Variants in SOX5 observed in about 807,000 individuals in gnomAD.
SOX5 encodes the protein transcription factor SOX-5.
A neutral mutation model predicts 92.0 loss-of-function variants in SOX5; 9 were observed. The observed-to-expected ratio is 0.10, with a 90% confidence interval of 0.06 to 0.17. The LOEUF (loss-of-function observed/expected upper bound fraction) is 0.17, where lower values mean the gene tolerates loss of function less well. Among genes scored for constraint, SOX5 ranks in the 10% least tolerant of loss-of-function variants. The pLI is 1.00. For synonymous variants in SOX5, 344 were observed against 336.3 expected (o/e 1.02, Z -0.25); for missense variants, 642 against 944.5 (o/e 0.68, Z 4.20).
chr12:23,974,188 A>G (rs2140176972), intron 4 of SOX5, among the ~76,000 whole-genome samples: 1 of 152,306 alleles, frequency 6.6e-6, no homozygotes, highest in Middle Eastern at 3.4e-3. Flanking sequence ...GTAAAATACT[A>G]TGGGTGACAG....
At chr12:23,569,602 G>C (rs1165776574) in intron 10 of SOX5, among the ~76,000 whole-genome samples, 1 of 152,154 alleles carries the variant, frequency 6.6e-6, no homozygotes, top group East Asian at 1.9e-4. Flanking sequence ...CCTCTTGCCA[G>C]TCTCTCATGT....
chr12:24,104,484 T>G (rs994098789), intron 4 of SOX5, among the ~76,000 whole-genome samples: 1 of 151,434 alleles, frequency 6.6e-6, no homozygotes, highest in Non-Finnish European at 1.5e-5. Context: ...CTCTAAAAAT[T>G]TACTATAAAA....
intron 2 of SOX5, among the ~76,000 whole-genome samples, chr12:24,289,280 CAAAAA>C (rs75803761): frequency 7.0e-6 from 1 of 142,154 alleles, no homozygotes; most frequent in Non-Finnish European, 1.5e-5. Flanking sequence ...GAACCTGTCT[CAAAAA>C]AAAAACAAAA....
chr12:24,499,514 G>A (rs1398953931), intron 1 of SOX5, among the ~76,000 whole-genome samples: 1 of 152,242 alleles, frequency 6.6e-6, no homozygotes, highest in African/African-American at 2.4e-5. Context: ...GAATAATTCA[G>A]TCTGAATGGT....
At chr12:24,168,023 CTTTT>C (rs1953630947) in intron 4 of SOX5, among the ~76,000 whole-genome samples, 2 of 152,254 alleles carry the variant, frequency 1.3e-5, no homozygotes, top group Middle Eastern at 3.4e-3. Context: ...CACCTCAATT[CTTTT>C]TTTCTTTTCA....
At chr12:24,501,448 A>T (rs752570693) in intron 1 of SOX5, among the ~76,000 whole-genome samples, 14 of 152,132 alleles carry the variant, frequency 9.2e-5, no homozygotes, top group Admixed American at 1.3e-4. Flanking sequence ...GACTTTTAAC[A>T]TAAGTCTTCA....
chr12:24,104,272 A>G (rs1217180905), intron 4 of SOX5, among the ~76,000 whole-genome samples: 1 of 152,224 alleles, frequency 6.6e-6, no homozygotes, highest in African/African-American at 2.4e-5. Context: ...CCATATCAAA[A>G]TGACTAATAT....
chr12:24,104,744 T>C (rs1228753684), intron 4 of SOX5, among the ~76,000 whole-genome samples: 1 of 152,230 alleles, frequency 6.6e-6, no homozygotes, highest in Admixed American at 6.5e-5. Context: ...AAGGGCATTT[T>C]TGCAGATAAG....
intron 2 of SOX5, among the ~76,000 whole-genome samples, chr12:24,365,594 TAAG>T (rs1331574672): frequency 2.7e-5 from 4 of 149,182 alleles, no homozygotes; most frequent in Non-Finnish European, 4.5e-5. Context: ...AAAATATGGA[TAAG>T]AAGAAAAAAA....
Position 23,755,587 on chromosome 12 carries a change from T to C in SOX5, c.568+51A>G, listed in dbSNP as rs550981831. On this transcript the variant is annotated intron_variant, in intron 4 of 14. Coordinates refer to ENST00000451604, the MANE Select transcript of SOX5 (RefSeq NM_006940.6). ...CTTTATCACCATTACTATTTCTGAA[T>C]ATCAACTTCATTTTGGTACATTTTG... 7 of 1,298,866 alleles carry C rather than the reference T, an allele frequency of 5.4e-6. No individual in the cohort carries two copies. In the African/African-American group the frequency reaches 9.0e-5, roughly 17 times the overall value. The allele number at this position is 1,298,866 out of a possible 1,614,324, so 80.5% of individuals were successfully genotyped here.
intron 1 of SOX5, among the ~76,000 whole-genome samples, chr12:23,896,511 A>G (rs1482420729): frequency 6.6e-6 from 1 of 152,198 alleles, no homozygotes; most frequent in African/African-American, 2.4e-5. Flanking sequence ...TGAAAGTAAG[A>G]TTATTGTAAA....
chr12:23,708,984 T>G (rs528347575), intron 6 of SOX5, among the ~76,000 whole-genome samples: 4 of 152,190 alleles, frequency 2.6e-5, no homozygotes, highest in African/African-American at 7.2e-5. Context: ...AACCATTTCA[T>G]AGAGCTGGAA....
intron 2 of SOX5, among the ~76,000 whole-genome samples, chr12:23,852,420 C>T (rs1311386979): frequency 6.6e-6 from 1 of 151,838 alleles, no homozygotes; most frequent in Non-Finnish European, 1.5e-5. Flanking sequence ...ATAATCCAGC[C>T]CGTATTTCAA....
intron 3 of SOX5, among the ~76,000 whole-genome samples, chr12:23,816,562 G>A (rs530511720): frequency 6.6e-6 from 1 of 152,142 alleles, no homozygotes; most frequent in African/African-American, 2.4e-5. Flanking sequence ...CCTGGTAGAG[G>A]GGAAACCTGA....
chr12:24,200,428 A>G (rs909551460), intron 4 of SOX5, among the ~76,000 whole-genome samples: 2 of 152,078 alleles, frequency 1.3e-5, no homozygotes, highest in Non-Finnish European at 2.9e-5. Flanking sequence ...AAATATACAT[A>G]TACTTACTAT....
intron 3 of SOX5, among the ~76,000 whole-genome samples, chr12:24,275,796 T>C (rs1442738021): frequency 6.6e-6 from 1 of 152,164 alleles, no homozygotes; most frequent in African/African-American, 2.4e-5. Context: ...GCCAAATTCC[T>C]TCCTGGAAAG....
intron 2 of SOX5, among the ~76,000 whole-genome samples, chr12:24,314,300 G>T (rs1949490986): frequency 6.7e-6 from 1 of 149,796 alleles, no homozygotes; most frequent in Non-Finnish European, 1.5e-5. Context: ...TTTTATGGCT[G>T]CATAGTACTC....
At chr12:24,056,974 C>CAAAAAA (rs60085412) in intron 4 of SOX5, among the ~76,000 whole-genome samples, 1,223 of 36,840 alleles carry the variant, frequency 0.033, 105 homozygotes, top group African/African-American at 0.095. Context: ...GACTCCGTCT[C>CAAAAAA]AAAAAAAAAA....
intron 1 of SOX5, among the ~76,000 whole-genome samples, chr12:24,402,426 G>C (rs374928823): frequency 1.8e-4 from 28 of 152,162 alleles, no homozygotes; most frequent in Admixed American, 4.6e-4. Context: ...GTACAATCCT[G>C]TTCCTCACAC....
Sources: allele counts gnomAD v4.1 joint callset (sites outside exome capture counted in the v4.1 genomes callset), GRCh38; gene constraint gnomAD v4.1.1; transcripts MANE v1.5; gene names NCBI Gene and HGNC (gene_info 2026-07-23, HGNC 2026-07-21).